RYR2: variants seen among roughly 807,000 people sequenced by gnomAD.
RYR2 encodes the protein ryanodine receptor 2, also known as cardiac muscle ryanodine receptor-calcium release channel.
Under a neutral mutation model 601.1 loss-of-function variants are expected in RYR2, and 227 were observed. That is an observed-to-expected ratio of 0.38 (90% confidence interval 0.34 to 0.42). The LOEUF (loss-of-function observed/expected upper bound fraction) is 0.42. RYR2 is among the 10% of genes least tolerant of loss of function. The pLI, the probability that RYR2 is intolerant of heterozygous loss-of-function variation, is 1.00. For synonymous variants in RYR2, 2,223 were observed against 2,175.1 expected (o/e 1.02, Z -0.61); for missense variants, 4,646 against 6,156.5 (o/e 0.75, Z 8.21).
intron 25 of RYR2, among the ~76,000 whole-genome samples, chr1:237,534,140 T>C (rs1219745762): frequency 6.6e-6 from 1 of 152,046 alleles, no homozygotes; most frequent in African/African-American, 2.4e-5. Flanking sequence ...AATGACACAC[T>C]AGGCAATACT....
chr1:237,392,989 A>G (rs74147258), intron 10 of RYR2, among the ~76,000 whole-genome samples: 12,105 of 152,192 alleles, frequency 0.08, 1,265 homozygotes, highest in African/African-American at 0.24. Context: ...AAATACGTTT[A>G]TTTCTAAATG....
At chr1:237,252,127 CCT>C (rs1156379579) in intron 1 of RYR2, among the ~76,000 whole-genome samples, 2 of 151,598 alleles carry the variant, frequency 1.3e-5, no homozygotes, top group African/African-American at 4.9e-5. Context: ...TCATGTCCTT[CCT>C]CTGCTTGCAA....
chr1:237,109,320 A>G (rs1011060424), intron 1 of RYR2, among the ~76,000 whole-genome samples: 1 of 149,700 alleles, frequency 6.7e-6, no homozygotes, highest in Non-Finnish European at 1.5e-5. Flanking sequence ...ATTGAGAAAT[A>G]TAATCTTAGA....
At chr1:237,599,860 G>A (rs1409726232) in intron 34 of RYR2, among the ~76,000 whole-genome samples, 1 of 151,400 alleles carries the variant, frequency 6.6e-6, no homozygotes, top group African/African-American at 2.4e-5. Context: ...TTTAACAAAG[G>A]AGGTGTAAGA....
rs1258139963 is a variant in RYR2, at chr1:237,772,076, T to C, written c.11622T>C (p.Thr3874=). Residue 3874 remains threonine (T), a synonymous_variant, in exon 86 of 105, where the codon ACT becomes ACC. Transcript: ENST00000366574. ...NNTTVNIIIS[T]VDYLLRVQES... ...CAACTGTCAACATAATTATCTCCAC[T>C]GTAGACTACCTACTGAGAGTTCAGG... 1 of 1,540,880 alleles carries C rather than the reference T, an allele frequency of 6.5e-7. No individual in the cohort carries two copies. The highest frequency in any genetic ancestry group is 1.9e-5 in the Admixed American group (1 of 53,152).
At chr1:237,386,819 A>G (rs1393945306) in intron 8 of RYR2, among the ~76,000 whole-genome samples, 2 of 152,262 alleles carry the variant, frequency 1.3e-5, no homozygotes, top group Non-Finnish European at 2.9e-5. Flanking sequence ...CAGTTCCTGA[A>G]GGACTCCATA....
intron 38 of RYR2, among the ~76,000 whole-genome samples, chr1:237,618,297 A>AT (rs1332306773): frequency 6.6e-6 from 1 of 152,170 alleles, no homozygotes; most frequent in East Asian, 1.9e-4. Context: ...CCTCTTCCAG[A>AT]TTAACTCTGT....
chr1:237,135,256 G>A (rs1371433734), intron 1 of RYR2, among the ~76,000 whole-genome samples: 1 of 152,048 alleles, frequency 6.6e-6, no homozygotes, highest in Non-Finnish European at 1.5e-5. Flanking sequence ...CATGAGGCAA[G>A]TAAAAAAAGT....
At chr1:237,253,607 G>T (rs1039791483) in intron 1 of RYR2, among the ~76,000 whole-genome samples, 2 of 152,188 alleles carry the variant, frequency 1.3e-5, no homozygotes, top group Non-Finnish European at 2.9e-5. Context: ...TGTGTAAACT[G>T]AATGAAAACA....
chr1:237,556,857 C>A (rs1302748468), intron 27 of RYR2, among the ~76,000 whole-genome samples: 3 of 115,120 alleles, frequency 2.6e-5, no homozygotes, highest in African/African-American at 7.1e-5. Context: ...TCCTGTACAG[C>A]AAACTACCCC....
chr1:237,595,796 C>T, intron 34 of RYR2, 139 bp downstream of exon 34: 3 of 1,029,184 alleles, frequency 2.9e-6, no homozygotes, highest in Non-Finnish European at 4.0e-6. Flanking sequence ...GCCGAGCAGA[C>T]CTGCCCCTAG....
At chr1:237,290,529 A>G (rs187272792) in intron 2 of RYR2, among the ~76,000 whole-genome samples, 5 of 152,358 alleles carry the variant, frequency 3.3e-5, no homozygotes, top group Middle Eastern at 3.4e-3. Context: ...TTATGCCTCA[A>G]TAAAGCTGAT....
Position 237,614,348 on chromosome 1 carries a change from T to C in RYR2, c.5220T>C (p.Pro1740=). ...AGACGAAGAGCATCACCCTGTTCCCTGATGAGAACAAAAAACACGGCCTTC... is the reference window on the plus strand; with the variant it reads ...AGACGAAGAGCATCACCCTGTTCCCCGATGAGAACAAAAAACACGGCCTTC... The part of the protein sequence containing the change: ...TEETKSITLF[P]DENKKHGLPG... The change falls in exon 37 of 105, where the codon CCT becomes CCC. Residue 1740 remains proline (P), a synonymous_variant. Coordinates refer to ENST00000366574, the MANE Select transcript of RYR2 (RefSeq NM_001035.3). This position sits in a 1 kb window ranked among gnomAD's most constrained non-coding sequence, Gnocchi z 4.3. The C allele has an allele frequency of 1.2e-6, 2 of 1,614,022 alleles. No individual in the cohort carries two copies. Among genetic ancestry groups the C allele is most frequent in the Admixed American group, 3.3e-5 (2 of 60,014 alleles).
At chr1:237,652,693 G>A (rs1172965123) in intron 51 of RYR2, among the ~76,000 whole-genome samples, 2 of 151,990 alleles carry the variant, frequency 1.3e-5, no homozygotes, top group African/African-American at 4.8e-5. Flanking sequence ...ATCTTCAATA[G>A]TCCTTGTCTT....
chr1:237,321,175 A>G (rs957466485), intron 2 of RYR2, among the ~76,000 whole-genome samples: 3 of 152,050 alleles, frequency 2.0e-5, no homozygotes, highest in Admixed American at 1.3e-4. Flanking sequence ...AGTGGGGATA[A>G]TAATACTTAT....
At chr1:237,185,041 A>G (rs911165404) in intron 1 of RYR2, among the ~76,000 whole-genome samples, 2 of 151,740 alleles carry the variant, frequency 1.3e-5, no homozygotes, top group Non-Finnish European at 2.9e-5. Context: ...GGCTAATCTT[A>G]TTTTTTGTAG....
At chr1:237,464,584 T>G (rs1659853482) in intron 16 of RYR2, among the ~76,000 whole-genome samples, 1 of 152,144 alleles carries the variant, frequency 6.6e-6, no homozygotes, top group Admixed American at 6.5e-5. Flanking sequence ...TCAATCTTCC[T>G]CAAGCTCTCT....
rs1035823136 is a variant in RYR2, at chr1:237,400,798, G to A, written c.773+12615G>A. On this transcript the variant is annotated intron_variant, in intron 10 of 104. Coordinates refer to ENST00000366574, the MANE Select transcript of RYR2 (RefSeq NM_001035.3). ...AGTGAAGATGTAGTATTGGGTCATA[G>A]TCCCAAAAAGGAAGGAGATCAGGGA... Among the ~76,000 whole-genome samples, 117 of 152,046 alleles carry A rather than the reference G, an allele frequency of 7.7e-4. 6 individuals are homozygous for A. Among genetic ancestry groups the A allele is most frequent in the Non-Finnish European group, 8.8e-5 (6 of 68,010 alleles).
At chr1:237,642,252 G>A (rs1300900303) in intron 47 of RYR2, among the ~76,000 whole-genome samples, 3 of 152,148 alleles carry the variant, frequency 2.0e-5, no homozygotes, top group Non-Finnish European at 4.4e-5. Context: ...CTTCCTTGAT[G>A]TACTCTTTTG....
Sources: gnomAD v4.1 joint callset for allele counts (sites outside exome capture counted in the v4.1 genomes callset) on GRCh38, gnomAD v4.1.1 for gene constraint, Gnocchi (gnomAD v3.1) non-coding constraint, MANE v1.5 for transcripts, NCBI Gene and HGNC (gene_info 2026-07-23, HGNC 2026-07-21) for gene names.